The following KHDRBS3 variants were observed in gnomAD, a reference collection of about 807,000 sequenced individuals.
KHDRBS3 encodes KH domain-containing, RNA-binding, signal transduction-associated protein 3.
Under a neutral mutation model 45.6 loss-of-function variants are expected in KHDRBS3, and 23 were observed. That is an observed-to-expected ratio of 0.50 (90% CI 0.36 to 0.72). KHDRBS3 has a LOEUF of 0.72. KHDRBS3 is among the 30% of genes least tolerant of loss of function. The pLI, the probability that KHDRBS3 is intolerant of heterozygous loss-of-function variation, is 0.00. For synonymous variants in KHDRBS3, 162 were observed against 156.5 expected (o/e 1.04, Z -0.26); for missense variants, 352 against 424.8 (o/e 0.83, Z 1.51).
intron 7 of KHDRBS3, among the ~76,000 whole-genome samples, chr8:135,614,062 G>A (rs1195471617): frequency 2.0e-5 from 3 of 151,786 alleles, no homozygotes; most frequent in Non-Finnish European, 2.9e-5. Context: ...TTTTTGTAAT[G>A]ACCTTGATAA....
intron 6 of KHDRBS3, among the ~76,000 whole-genome samples, chr8:135,599,611 A>G (rs1233445183): frequency 6.6e-6 from 1 of 152,200 alleles, no homozygotes; most frequent in Non-Finnish European, 1.5e-5. Context: ...ACATGACCAC[A>G]TGCCTCCTAT....
intron 6 of KHDRBS3, among the ~76,000 whole-genome samples, chr8:135,603,058 A>G (rs1003680762): frequency 4.6e-5 from 7 of 152,188 alleles, no homozygotes; most frequent in Non-Finnish European, 8.8e-5. Flanking sequence ...CTTTGAAGCT[A>G]ATTTCTAGCA....
chr8:135,558,156 C>G (rs1379826681), intron 5 of KHDRBS3, among the ~76,000 whole-genome samples: 2 of 152,114 alleles, frequency 1.3e-5, no homozygotes, highest in Admixed American at 1.3e-4. Flanking sequence ...AGTCAGTGCC[C>G]ACATGCTTGT....
intron 2 of KHDRBS3, among the ~76,000 whole-genome samples, chr8:135,533,346 A>G (rs1387795386): frequency 6.6e-6 from 1 of 152,214 alleles, no homozygotes; most frequent in Non-Finnish European, 1.5e-5. Flanking sequence ...ACTATGATCC[A>G]GTTGGATATG....
intron 1 of KHDRBS3, among the ~76,000 whole-genome samples, chr8:135,508,229 G>A (rs1243584772): frequency 2.0e-5 from 3 of 152,044 alleles, no homozygotes; most frequent in Non-Finnish European, 2.9e-5. Flanking sequence ...GAAAATATTC[G>A]TTTTTTGTTC....
At chr8:135,474,657 G>T (rs976099505) in intron 1 of KHDRBS3, among the ~76,000 whole-genome samples, 5 of 152,154 alleles carry the variant, frequency 3.3e-5, no homozygotes, top group Non-Finnish European at 7.4e-5. Context: ...TTAGAATGAG[G>T]TGTATCTGTG....
At chr8:135,607,752 G>A (rs1829529593) in intron 7 of KHDRBS3, among the ~76,000 whole-genome samples, 1 of 152,152 alleles carries the variant, frequency 6.6e-6, no homozygotes, top group African/African-American at 2.4e-5. Flanking sequence ...GCTTTGTAGT[G>A]ATTCTGAAGC....
At chr8:135,595,576 C>A (rs752674280) in intron 6 of KHDRBS3, among the ~76,000 whole-genome samples, 1 of 152,174 alleles carries the variant, frequency 6.6e-6, no homozygotes, top group African/African-American at 2.4e-5. Context: ...TATTTTAAAA[C>A]TCTGATAGCT....
intron 1 of KHDRBS3, among the ~76,000 whole-genome samples, chr8:135,483,027 C>A (rs749468382): frequency 6.6e-5 from 10 of 152,108 alleles, no homozygotes; most frequent in African/African-American, 4.8e-5. Context: ...ATGCTTATTC[C>A]TGGAGACAAT....
intron 7 of KHDRBS3, among the ~76,000 whole-genome samples, chr8:135,640,338 C>G (rs538274267): frequency 6.6e-6 from 1 of 152,248 alleles, no homozygotes; most frequent in African/African-American, 2.4e-5. Flanking sequence ...AGACAAATGT[C>G]AGGAGTTTCT....
intron 4 of KHDRBS3, among the ~76,000 whole-genome samples, chr8:135,653,206 TG>T (rs948966430): frequency 2.6e-5 from 4 of 152,140 alleles, no homozygotes; most frequent in African/African-American, 9.7e-5. Flanking sequence ...TGCTTGTTGG[TG>T]GGTTTTTCTC....
At chr8:135,542,525 T>C in intron 2 of KHDRBS3, 129 bp from the exon 3 acceptor site, 1 of 640,342 alleles carries the variant, frequency 1.6e-6, no homozygotes, top group Non-Finnish European at 2.8e-6. Flanking sequence ...TTTTAATGCA[T>C]GTAGCAGGAG....
chr8:135,614,969 G>T (rs1563807584), intron 7 of KHDRBS3, among the ~76,000 whole-genome samples: 1 of 151,692 alleles, frequency 6.6e-6, no homozygotes, highest in Non-Finnish European at 1.5e-5. Context: ...GAAAATTACT[G>T]AGAGGAAACA....
rs1826950986 is a variant in KHDRBS3, at chr8:135,557,558, A to C, written c.582A>C (p.Thr194=). The change falls in exon 5 of 9, where the codon ACA becomes ACC. Residue 194 remains threonine, a synonymous_variant. Transcript: ENST00000355849. ...TTCGAGGGAAACCCACCTTGCGTACAAGAGGTGTACCAGCCCCAGCAATAA... is the reference window on the plus strand; with the variant it reads ...TTCGAGGGAAACCCACCTTGCGTACCAGAGGTGTACCAGCCCCAGCAATAA... ...PVVRGKPTLR[T]RGVPAPAITR... is the part of the protein sequence containing the mutation. 1 of 1,613,312 alleles carries C rather than the reference A, an allele frequency of 6.2e-7. No homozygotes were observed. Among genetic ancestry groups the C allele is most frequent in the Non-Finnish European group, 8.5e-7 (1 of 1,179,330 alleles).
At chr8:135,578,296 C>T (rs1432318133) in intron 5 of KHDRBS3, among the ~76,000 whole-genome samples, 1 of 152,058 alleles carries the variant, frequency 6.6e-6, no homozygotes, top group African/African-American at 2.4e-5. Context: ...TATCTAAAAA[C>T]TCATCACCAA....
At chr8:135,571,905 T>G (rs1827721854) in intron 5 of KHDRBS3, among the ~76,000 whole-genome samples, 1 of 152,196 alleles carries the variant, frequency 6.6e-6, no homozygotes, top group Non-Finnish European at 1.5e-5. Context: ...CAAATCCTAC[T>G]TAATTTTTAA....
chr8:135,488,690 T>C (rs1351176407), intron 1 of KHDRBS3, among the ~76,000 whole-genome samples: 1 of 152,208 alleles, frequency 6.6e-6, no homozygotes, highest in African/African-American at 2.4e-5. Context: ...GACTTCATAT[T>C]TGATCAGGAG....
At chr8:135,595,205 G>A (rs923568873) in intron 6 of KHDRBS3, among the ~76,000 whole-genome samples, 4 of 152,102 alleles carry the variant, frequency 2.6e-5, no homozygotes, top group African/African-American at 7.2e-5. Flanking sequence ...GGGGCAAGAC[G>A]GTGATTCAGA....
chr8:135,547,072 A>G (rs952012272), intron 3 of KHDRBS3, among the ~76,000 whole-genome samples: 1 of 152,354 alleles, frequency 6.6e-6, no homozygotes, highest in East Asian at 1.9e-4. Context: ...ATTGCTGTAC[A>G]TAGAATGCAA....
Sources: gnomAD v4.1 joint callset for allele counts (sites outside exome capture counted in the v4.1 genomes callset) on GRCh38, gnomAD v4.1.1 for gene constraint, MANE v1.5 for transcripts, NCBI Gene and HGNC (gene_info 2026-07-23, HGNC 2026-07-21) for gene names.